Variants in RNF217 observed in about 807,000 individuals in gnomAD.
The protein encoded by RNF217 is ring finger protein 217.
RNF217 carries 31 observed loss-of-function variants against 57.8 expected under a neutral mutation model. That is an observed-to-expected ratio of 0.54 (90% confidence interval 0.40 to 0.72). The LOEUF is 0.72. RNF217 is among the 30% of genes least tolerant of loss of function. The probability of loss-of-function intolerance (pLI) is 0.00; values close to 1 mark genes in which losing one functional copy is unlikely to be tolerated. For synonymous variants in RNF217, 313 were observed against 294.0 expected (o/e 1.06, Z -0.66); for missense variants, 696 against 708.3 (o/e 0.98, Z 0.20).
intron 3 of RNF217, among the ~76,000 whole-genome samples, chr6:125,074,684 C>A (rs1024806629): frequency 6.6e-6 from 1 of 151,958 alleles, no homozygotes; most frequent in Admixed American, 6.6e-5. Flanking sequence ...TTTTATCCCA[C>A]CTCCATAATC....
At chr6:125,075,052 A>G (rs1197173624) in intron 3 of RNF217, among the ~76,000 whole-genome samples, 4 of 152,210 alleles carry the variant, frequency 2.6e-5, no homozygotes, top group Non-Finnish European at 5.9e-5. Flanking sequence ...TCCAAGTGCA[A>G]GCTTGTCCAA....
chr6:125,035,413 A>G (rs1042458957), intron 1 of RNF217, among the ~76,000 whole-genome samples: 7 of 152,196 alleles, frequency 4.6e-5, no homozygotes, highest in Non-Finnish European at 8.8e-5. Flanking sequence ...TTCTTAAAGA[A>G]AAGAATTTTC....
intron 1 of RNF217, among the ~76,000 whole-genome samples, chr6:125,017,128 G>A (rs1426964255): frequency 1.3e-5 from 2 of 151,888 alleles, no homozygotes; most frequent in Non-Finnish European, 1.5e-5. Context: ...AAAAAGACAT[G>A]GTCATATGAA....
chr6:125,055,719 T>C (rs570330517), intron 2 of RNF217, among the ~76,000 whole-genome samples: 1 of 152,312 alleles, frequency 6.6e-6, no homozygotes, highest in East Asian at 1.9e-4. Flanking sequence ...GTGTTCTGAC[T>C]TAATGTTAGA....
At chr6:125,007,224 T>TAGAA (rs1785220001) in intron 1 of RNF217, among the ~76,000 whole-genome samples, 1 of 150,602 alleles carries the variant, frequency 6.6e-6, no homozygotes, top group Non-Finnish European at 1.5e-5. Context: ...TAATGGTTTC[T>TAGAA]ATTCTTCTTT....
At chr6:124,990,502 T>C (rs193022398) in intron 1 of RNF217, among the ~76,000 whole-genome samples, 1 of 152,368 alleles carries the variant, frequency 6.6e-6, no homozygotes, top group Admixed American at 6.5e-5. Flanking sequence ...ATTTATAGTT[T>C]TCACCATTTC....
At position 124,963,173 on chromosome 6, in the gene RNF217, C is replaced by T. The variant is rs1323176304; in HGVS notation, c.629C>T (p.Ser210Phe). 6.5e-7 allele frequency: 1 copy of T among 1,535,966 alleles called. No individual in the cohort carries two copies. Among genetic ancestry groups the T allele is most frequent in the South Asian group, 1.2e-5 (1 of 84,004 alleles). The change falls in exon 1 of 6, where the codon TCC becomes TTC. Residue 210 changes from serine to phenylalanine, a missense_variant. Ser to Phe is a radical substitution (Grantham distance 155). This residue lies in a region of RNF217 where 465 missense variants were observed against 386.8 expected (regional missense o/e 1.20). Transcript: ENST00000521654. ...TRSSFPSPRL[S>F]LPTDSLSPDG... Reference sequence around the variant, plus strand: ...TCTTCCTTCCCCAGCCCCCGACTGTCCCTCCCAACGGATTCCCTCTCCCCC... The same window carrying T: ...TCTTCCTTCCCCAGCCCCCGACTGTTCCTCCCAACGGATTCCCTCTCCCCC...
chr6:124,991,479 AT>A (rs1162624522), intron 1 of RNF217, among the ~76,000 whole-genome samples: 2 of 152,044 alleles, frequency 1.3e-5, no homozygotes, highest in African/African-American at 4.8e-5. Flanking sequence ...AATCTGCTGT[AT>A]TTTTTCATGG....
Position 125,091,357 on chromosome 6 carries a change from T to C in RNF217, c.*8420T>C, listed in dbSNP as rs201610631. ...TTTTTTCACTTGACTTTATTTCTTATCTAAAGAGCCATATATTTTTTGTGA... is the reference window on the plus strand; with the variant it reads ...TTTTTTCACTTGACTTTATTTCTTACCTAAAGAGCCATATATTTTTTGTGA... On this transcript the variant is annotated 3_prime_UTR_variant, in exon 6 of 6. Coordinates refer to ENST00000521654, the MANE Select transcript of RNF217 (RefSeq NM_001286398.3). 1 of 152,222 alleles carries C rather than the reference T, an allele frequency of 6.6e-6. No individual in the cohort carries two copies. Among genetic ancestry groups the C allele is most frequent in the East Asian group, 1.9e-4 (1 of 5,192 alleles). 9.4% of individuals were successfully genotyped at this position (152,222 alleles called of 1,614,324 possible). A position where few individuals can be genotyped will look rare whatever the true frequency, so the allele number is the denominator to read the frequency against.
intron 1 of RNF217, among the ~76,000 whole-genome samples, chr6:124,981,804 G>A (rs1436098683): frequency 6.6e-6 from 1 of 151,388 alleles, no homozygotes; most frequent in East Asian, 1.9e-4. Flanking sequence ...AGACCACTAG[G>A]TCAAGAGATA....
At chr6:124,990,326 T>C (rs2325763) in intron 1 of RNF217, among the ~76,000 whole-genome samples, 43,365 of 152,142 alleles carry the variant, frequency 0.29, 7,617 homozygotes, top group South Asian at 0.47. Context: ...GTATTCTGTA[T>C]CTGCCACTGG....
At position 124,962,738 on chromosome 6, in the gene RNF217, G is replaced by A. The variant is rs1783334040; in HGVS notation, c.194G>A (p.Ser65Asn). The A allele has an allele frequency of 6.4e-7, 1 of 1,573,356 alleles. No individual in the cohort carries two copies. Among genetic ancestry groups the A allele is most frequent in the Non-Finnish European group, 8.6e-7 (1 of 1,169,340 alleles). ...AGCGACTGGGGCTGCGCGGACACCA[G>A]CGCCCCAGAGCCCGCGAGGAGCCTG... Reference protein sequence around the residue: ...CGSDWGCADTSAPEPARSLGP... With the variant: ...CGSDWGCADTNAPEPARSLGP... Residue 65 changes from serine (S) to asparagine (N), a missense_variant, in exon 1 of 6, where the codon AGC (serine) becomes AAC (asparagine). Around this residue, in one of 2 missense-constraint regions of RNF217, gnomAD observed 465 missense variants for 386.8 expected, o/e 1.20. Transcript: ENST00000521654. The surrounding 1 kb of genome is among the most constrained non-coding windows in gnomAD (Gnocchi z 4.6).
In RNF217 at chr6:125,086,795, A is replaced by G. The variant is rs1343848524; in HGVS notation, c.*3858A>G. 6 of 152,112 alleles carry G rather than the reference A, an allele frequency of 3.9e-5. No homozygotes were observed. Among genetic ancestry groups the G allele is most frequent in the Admixed American group, 1.3e-4 (2 of 15,240 alleles). 9.4% of individuals were successfully genotyped at this position (152,112 alleles called of 1,614,324 possible). On this transcript the variant is annotated 3_prime_UTR_variant, in exon 6 of 6. Coordinates refer to ENST00000521654, the MANE Select transcript of RNF217 (RefSeq NM_001286398.3). ...GTCAGGTTACAACATGATATCTTTA[A>G]TTGTACTTTCTCTGCTGTGGTATCA...
chr6:124,993,174 G>A (rs1784626693), intron 1 of RNF217, among the ~76,000 whole-genome samples: 1 of 152,112 alleles, frequency 6.6e-6, no homozygotes, highest in Non-Finnish European at 1.5e-5. Context: ...CTTACTATCA[G>A]AAACGCATGA....
At chr6:125,045,143 C>CA (rs34249175) in intron 1 of RNF217, 68 bp from the exon 2 acceptor site, 40,925 of 832,728 alleles carry the variant, frequency 0.049, 184 homozygotes, top group East Asian at 0.089. Context: ...ATACTGTATA[C>CA]AAAAAAAAAA....
chr6:124,974,785 C>G (rs1783898909), intron 1 of RNF217, among the ~76,000 whole-genome samples: 1 of 152,124 alleles, frequency 6.6e-6, no homozygotes, highest in South Asian at 2.1e-4. Context: ...TGAAATTGGC[C>G]TACAGTTTGT....
intron 3 of RNF217, among the ~76,000 whole-genome samples, chr6:125,072,132 C>G (rs1319599142): frequency 6.6e-6 from 1 of 151,976 alleles, no homozygotes; most frequent in Non-Finnish European, 1.5e-5. Flanking sequence ...ATGTATTATC[C>G]CCTGGTAGTA....
chr6:125,038,626 A>G (rs1320799866), intron 1 of RNF217, among the ~76,000 whole-genome samples: 2 of 152,258 alleles, frequency 1.3e-5, no homozygotes, highest in Admixed American at 1.3e-4. Context: ...TTTTTAAACT[A>G]TTGGGTAAAT....
intron 1 of RNF217, among the ~76,000 whole-genome samples, chr6:125,024,445 T>C (rs1480896421): frequency 1.4e-5 from 2 of 147,322 alleles, no homozygotes; most frequent in East Asian, 2.0e-4. Flanking sequence ...TAGCCAGGCA[T>C]GGTGGTGCAC....
Sources: allele counts gnomAD v4.1 joint callset (sites outside exome capture counted in the v4.1 genomes callset), GRCh38; gene constraint gnomAD v4.1.1; regional missense constraint gnomAD v4.1.1; non-coding constraint Gnocchi (gnomAD v3.1); transcripts MANE v1.5; gene names NCBI Gene and HGNC (gene_info 2026-07-23, HGNC 2026-07-21).